The following MYBBP1A variants were observed in gnomAD, a reference collection of about 807,000 sequenced individuals.
MYBBP1A encodes myb-binding protein 1A.
A neutral mutation model predicts 136.3 loss-of-function variants in MYBBP1A; 147 were observed. That is an observed-to-expected ratio of 1.08 (90% CI 0.94 to 1.24). The LOEUF is 1.24. Among genes scored for constraint, MYBBP1A ranks in the 50% most tolerant of loss-of-function variants. MYBBP1A has a pLI of 0.00. For missense variants in MYBBP1A, 2,060 were observed against 1,727.4 expected, an observed-to-expected ratio of 1.19 and a Z score of -3.41; for synonymous variants, 947 against 735.8, an observed-to-expected ratio of 1.29 and a Z score of -4.65.
intron 15 of MYBBP1A, 77 bp downstream of exon 15, chr17:4,545,533 C>T: frequency 3.3e-6 from 5 of 1,522,840 alleles, no homozygotes; most frequent in Non-Finnish European, 3.5e-6. Context: ...AGGCTGGAGG[C>T]TGAAGCGGCA....
intron 25 of MYBBP1A, 54 bp from the exon 26 acceptor site, chr17:4,540,021 C>A: frequency 6.5e-7 from 1 of 1,550,032 alleles, no homozygotes; most frequent in Non-Finnish European, 8.7e-7. Flanking sequence ...GCAGCCACCG[C>A]CACCGCGACT....
At chr17:4,543,886 CT>C (rs5818964) in intron 19 of MYBBP1A, among the ~76,000 whole-genome samples, 12,190 of 151,110 alleles carry the variant, frequency 0.081, 644 homozygotes, top group African/African-American at 0.13. Context: ...GACTCAGACC[CT>C]TCCCCACGCC....
At chr17:4,543,612 A>G (rs1284176547) in intron 19 of MYBBP1A, among the ~76,000 whole-genome samples, 4 of 152,106 alleles carry the variant, frequency 2.6e-5, no homozygotes, top group Non-Finnish European at 5.9e-5. Flanking sequence ...TGGCAGAACT[A>G]TCTGAGAAGG....
In MYBBP1A at chr17:4,539,766, C is replaced by T. The variant is rs568773081; in HGVS notation, c.3636G>A (p.Lys1212=). Residue 1212 remains lysine (K), a synonymous_variant, in exon 26 of 26, where the codon AAG becomes AAA. Transcript: ENST00000254718. The part of the protein sequence containing the change: ...GSQPPSMGRK[K]RNRTKAKVPA... ...GGACCTTAGCCTTTGTCCTGTTCCT[C>T]TTCTTCCTGCCCATGCTGGGGGGCT... 10 of 1,613,066 alleles carry T rather than the reference C, an allele frequency of 6.2e-6. No homozygotes were observed. In the African/African-American group the frequency reaches 1.3e-4, roughly 22 times the overall value.
chr17:4,542,167 CTGGCA>C, intron 22 of MYBBP1A: 1 of 586,026 alleles, frequency 1.7e-6, no homozygotes, highest in Non-Finnish European at 3.0e-6. Context: ...CCCAACAGCC[CTGGCA>C]CCAGAGCAGA....
intron 19 of MYBBP1A, 72 bp from the exon 20 acceptor site, chr17:4,543,237 C>G: frequency 1.3e-6 from 2 of 1,495,470 alleles, no homozygotes; most frequent in South Asian, 1.3e-5. Context: ...AGAGCCAACC[C>G]AAGTCCCACT....
chr17:4,542,777 A>T, intron 20 of MYBBP1A, 36 bp from the exon 21 acceptor site: 1 of 1,608,290 alleles, frequency 6.2e-7, no homozygotes, highest in African/African-American at 1.3e-5. Context: ...TGAGGCCAGG[A>T]GAGGGGTCCC....
At chr17:4,541,986 C>T (rs1273604860) in intron 22 of MYBBP1A, 95 bp from the exon 23 acceptor site, 1 of 896,814 alleles carries the variant, frequency 1.1e-6, no homozygotes. Context: ...CTGGGCACTG[C>T]TGTGGGCAGC....
intron 13 of MYBBP1A, 154 bp downstream of exon 13, chr17:4,547,804 C>A (rs1468101898): frequency 1.0e-5 from 6 of 593,056 alleles, no homozygotes; most frequent in Non-Finnish European, 1.7e-5. Context: ...AGGGATGTTT[C>A]CACCTGTGAC....
intron 5 of MYBBP1A, among the ~76,000 whole-genome samples, chr17:4,553,104 G>C (rs1169203121): frequency 1.3e-5 from 2 of 152,220 alleles, no homozygotes; most frequent in South Asian, 2.1e-4. Flanking sequence ...TTACAGGCGT[G>C]AGCCACCATG....
Position 4,552,537 on chromosome 17 carries a change from G to C in MYBBP1A, c.651C>G (p.Leu217=), listed in dbSNP as rs1411462659. The C allele has an allele frequency of 3.1e-6, 5 of 1,613,968 alleles. No homozygotes were observed. In the African/African-American group the frequency reaches 6.7e-5, roughly 22 times the overall value. ...IILSSPEQLE[L]FLLAQQKVPS... is the part of the protein sequence containing the mutation. ...GCACCTTCTGCTGGGCCAGGAGGAA[G>C]AGCTCTAGCTGTTCAGGGGAGCTGA... Residue 217 remains leucine, a synonymous_variant, in exon 6 of 26, where the codon CTC becomes CTG. Transcript: ENST00000254718. The surrounding 1 kb of genome is among the most constrained non-coding windows in gnomAD (Gnocchi z 4.7).
intron 17 of MYBBP1A, 28 bp downstream of exon 17, chr17:4,544,998 C>CG: frequency 8.4e-7 from 1 of 1,183,696 alleles, no homozygotes; most frequent in South Asian, 1.5e-5. Context: ...CCTCCCCGGC[C>CG]GCCCCCCCCT....
chr17:4,544,959 G>A, intron 17 of MYBBP1A, 38 bp from the exon 18 acceptor site: 1 of 1,571,842 alleles, frequency 6.4e-7, no homozygotes, highest in South Asian at 1.2e-5. Flanking sequence ...CAGGCCTCGG[G>A]CAGGCACACA....
At position 4,552,039 on chromosome 17, in the gene MYBBP1A, G is replaced by A. The variant is rs778212883; in HGVS notation, c.906-42C>T. On this transcript the variant is annotated intron_variant, in intron 7 of 25. Transcript: ENST00000254718. The surrounding 1 kb of genome is among the most constrained non-coding windows in gnomAD (Gnocchi z 4.7). ...ACAGAGCCTGGTCAGAGCCCTTGGTGCCCCTGGTGGGAACCTCAGGACTAG... is the reference window on the plus strand; with the variant it reads ...ACAGAGCCTGGTCAGAGCCCTTGGTACCCCTGGTGGGAACCTCAGGACTAG... 10 of 1,593,468 alleles carry A rather than the reference G, an allele frequency of 6.3e-6. No individual in the cohort carries two copies. In the South Asian group the frequency reaches 7.9e-5, roughly 13 times the overall value.
chr17:4,550,368 C>T lies in MYBBP1A; in HGVS notation c.1024-15G>A, dbSNP rs1375219228. 10 of 1,603,410 alleles carry T rather than the reference C, an allele frequency of 6.2e-6. No individual in the cohort carries two copies. In the South Asian group the frequency reaches 1.0e-4, roughly 16 times the overall value. Reference sequence around the variant, plus strand: ...TGCTTTGGGAGCTGCAAGAGTTAGGCATGGCGCTGAGCCCACCAGCCCAGG... The same window carrying T: ...TGCTTTGGGAGCTGCAAGAGTTAGGTATGGCGCTGAGCCCACCAGCCCAGG... On this transcript the variant is annotated splice_polypyrimidine_tract_variant and intron_variant, in intron 8 of 25. Transcript: ENST00000254718.
In MYBBP1A at chr17:4,552,349, C is replaced by T; in HGVS notation, c.738-57G>A. On this transcript the variant is annotated intron_variant, in intron 6 of 25. Coordinates refer to ENST00000254718, the MANE Select transcript of MYBBP1A (RefSeq NM_014520.4). This position sits in a 1 kb window ranked among gnomAD's most constrained non-coding sequence, Gnocchi z 4.7. ...GCCTCACAGGCAAGGGCCAGGGTGA[C>T]AAGAGCAGCCGGGACACCCCCAGGC... 1.9e-6 allele frequency: 3 copies of T among 1,607,770 alleles called. No individual in the cohort carries two copies. Among genetic ancestry groups the T allele is most frequent in the Non-Finnish European group, 2.5e-6 (3 of 1,177,410 alleles).
In MYBBP1A at chr17:4,545,173, G is replaced by A. The variant is rs143772599; in HGVS notation, c.2163C>T (p.Asp721=). The A allele has an allele frequency of 3.9e-4, 629 of 1,613,090 alleles. 11 individuals carry two copies. The Admixed American group carries it at 0.01, about 26-fold the overall frequency. The change falls in exon 17 of 26, where the codon GAC becomes GAT. Residue 721 remains aspartate (D), a splice_region_variant and synonymous_variant. Transcript: ENST00000254718. ...TGTTGTCCTCACCTTCCTCGCTCTT[G>A]TCCTGTGTGGTAGAGGCAGGCGCGT... is the stretch of plus-strand genomic sequence containing the variant. ...SDERRLKGAE[D]KSEEGEDNRS... is the part of the protein sequence containing the mutation.
At chr17:4,549,506 G>A in intron 9 of MYBBP1A, 64 bp from the exon 10 acceptor site, 7 of 1,444,454 alleles carry the variant, frequency 4.8e-6, no homozygotes, top group African/African-American at 1.4e-5. Context: ...GCTGGGCCCA[G>A]TGGCTCACAC....
At chr17:4,542,249 G>T in intron 22 of MYBBP1A, 1 of 607,046 alleles carries the variant, frequency 1.6e-6, no homozygotes, top group Non-Finnish European at 2.9e-6. Context: ...GGCTGGCCCT[G>T]CCCCCTCAGC....
Sources: gnomAD v4.1 joint callset for allele counts (sites outside exome capture counted in the v4.1 genomes callset) on GRCh38, gnomAD v4.1.1 for gene constraint, Gnocchi (gnomAD v3.1) non-coding constraint, MANE v1.5 for transcripts, NCBI Gene and HGNC (gene_info 2026-07-23, HGNC 2026-07-21) for gene names.